KCNQ5: variants seen among roughly 807,000 people sequenced by gnomAD.
The protein encoded by KCNQ5 is potassium voltage-gated channel subfamily Q member 5, also known as potassium voltage-gated channel subfamily KQT member 5.
Under a neutral mutation model 98.2 loss-of-function variants are expected in KCNQ5, and 30 were observed. The ratio of observed to expected loss-of-function variants is 0.31; its 90% CI spans 0.23 to 0.41. KCNQ5 has a LOEUF of 0.41. Ranked by LOEUF, KCNQ5 falls within the 10% of genes least tolerant of loss-of-function variation. The probability of loss-of-function intolerance (pLI) is 1.00; values close to 1 mark genes in which losing one functional copy is unlikely to be tolerated. For missense variants in KCNQ5, 835 were observed against 1,182.5 expected, an observed-to-expected ratio of 0.71 and a Z score of 4.31; for synonymous variants, 458 against 449.4, an observed-to-expected ratio of 1.02 and a Z score of -0.24.
rs1765766686 is a variant in KCNQ5 at position 73,195,630 on chromosome 6, T to C, written c.*216T>C. ...CGACATTAACCCACTCATTTAGTAA[T>C]GTACCTTGAGTTAAAAAGCCTGAGA... On this transcript the variant is annotated 3_prime_UTR_variant, in exon 14 of 14. Coordinates refer to ENST00000370398, the MANE Select transcript of KCNQ5 (RefSeq NM_019842.4). 1.7e-6 allele frequency: 1 copy of C among 572,320 alleles called. No homozygotes were observed. The highest frequency in any genetic ancestry group is 3.0e-6 in the Non-Finnish European group (1 of 329,768). 35.5% of individuals were successfully genotyped at this position (572,320 alleles called of 1,614,324 possible). A position where few individuals can be genotyped will look rare whatever the true frequency, so the allele number is the denominator to read the frequency against.
chr6:72,910,262 T>G (rs184538015), intron 1 of KCNQ5, among the ~76,000 whole-genome samples: 1 of 152,254 alleles, frequency 6.6e-6, no homozygotes, highest in Non-Finnish European at 1.5e-5. Context: ...AATTGCTAAG[T>G]TTAGAGCTGG....
intron 1 of KCNQ5, among the ~76,000 whole-genome samples, chr6:72,935,069 T>TC (rs1392406435): frequency 7.0e-6 from 1 of 142,902 alleles, no homozygotes; most frequent in Non-Finnish European, 1.5e-5. Context: ...TCTATCTTTT[T>TC]TTTTTTTTTT....
At chr6:72,974,440 T>G (rs1271833476) in intron 1 of KCNQ5, among the ~76,000 whole-genome samples, 3 of 150,788 alleles carry the variant, frequency 2.0e-5, no homozygotes, top group Non-Finnish European at 4.4e-5. Flanking sequence ...AAATAACGCA[T>G]TTTTTCTGGA....
At chr6:72,974,419 C>G (rs1490621118) in intron 1 of KCNQ5, among the ~76,000 whole-genome samples, 1 of 149,944 alleles carries the variant, frequency 6.7e-6, no homozygotes, top group Non-Finnish European at 1.5e-5. Flanking sequence ...TCTCTTATGG[C>G]AAGAAGTGGA....
At chr6:73,084,022 T>C (rs1230075141) in intron 5 of KCNQ5, among the ~76,000 whole-genome samples, 1 of 152,198 alleles carries the variant, frequency 6.6e-6, no homozygotes, top group Non-Finnish European at 1.5e-5. Flanking sequence ...CTTTCTGTCA[T>C]CCCAAACCCA....
chr6:72,786,829 A>ACC (rs1773772659), intron 1 of KCNQ5, among the ~76,000 whole-genome samples: 1 of 151,562 alleles, frequency 6.6e-6, no homozygotes, highest in African/African-American at 2.4e-5. Flanking sequence ...ACACAGTGAA[A>ACC]CCCCATCTCT....
chr6:73,151,928 C>T (rs1474472134), intron 10 of KCNQ5, among the ~76,000 whole-genome samples: 5 of 152,008 alleles, frequency 3.3e-5, no homozygotes, highest in Admixed American at 3.3e-4. Context: ...TGTGTCTGTC[C>T]CTCAATTCAC....
intron 5 of KCNQ5, among the ~76,000 whole-genome samples, chr6:73,103,248 T>C (rs957889790): frequency 3.3e-5 from 5 of 151,950 alleles, no homozygotes; most frequent in Admixed American, 1.3e-4. Context: ...AACTAAGAAT[T>C]AACAGTTAAG....
At chr6:73,046,163 C>A (rs1771949331) in intron 3 of KCNQ5, among the ~76,000 whole-genome samples, 1 of 152,134 alleles carries the variant, frequency 6.6e-6, no homozygotes, top group Non-Finnish European at 1.5e-5. Context: ...CCACTGTGTT[C>A]TAAATTGATT....
intron 3 of KCNQ5, chr6:73,055,151 G>C: frequency 3.8e-6 from 3 of 791,818 alleles, no homozygotes; most frequent in Non-Finnish European, 6.9e-6. Context: ...GTGGAACCTG[G>C]AGAACCACTT....
intron 1 of KCNQ5, among the ~76,000 whole-genome samples, chr6:72,777,101 T>C (rs1240938039): frequency 2.0e-5 from 3 of 152,194 alleles, no homozygotes; most frequent in Admixed American, 6.5e-5. Flanking sequence ...GGAGCTGAGA[T>C]GGATGAAACC....
chr6:72,946,334 T>C (rs1766545955), intron 1 of KCNQ5, among the ~76,000 whole-genome samples: 2 of 152,174 alleles, frequency 1.3e-5, no homozygotes, highest in African/African-American at 4.8e-5. Context: ...AATAATGTAA[T>C]TGACATAGAT....
intron 2 of KCNQ5, among the ~76,000 whole-genome samples, chr6:73,019,598 A>T (rs1770499146): frequency 6.6e-6 from 1 of 152,160 alleles, no homozygotes; most frequent in African/African-American, 2.4e-5. Context: ...TCATCCAATC[A>T]AACTTTTCTA....
chr6:73,180,774 A>T (rs145655668), intron 11 of KCNQ5, among the ~76,000 whole-genome samples: 318 of 152,318 alleles, frequency 2.1e-3, no homozygotes, highest in African/African-American at 7.4e-3. Context: ...GTGATTCCAA[A>T]GAGCAGCCAA....
intron 6 of KCNQ5, among the ~76,000 whole-genome samples, chr6:73,106,763 A>G (rs1775018218): frequency 6.6e-6 from 1 of 152,242 alleles, no homozygotes; most frequent in Non-Finnish European, 1.5e-5. Flanking sequence ...GACGCAATTC[A>G]GCCTGAACAG....
Position 72,781,669 on chromosome 6 carries a change from C to A in KCNQ5, c.398+159082C>A, listed in dbSNP as rs191352489. Among the ~76,000 whole-genome samples, 59 of 152,104 alleles carry A rather than the reference C, an allele frequency of 3.9e-4. 1 individual carries two copies. In the East Asian group the frequency reaches 8.7e-3, roughly 22 times the overall value. On this transcript the variant is annotated intron_variant, in intron 1 of 13. Transcript: ENST00000370398. Reference sequence around the variant, plus strand: ...ACTCAAGTATTTTGGGTTACAAAAGCAGAATTATCTTTTAACCCTAGCCTG... The same window carrying A: ...ACTCAAGTATTTTGGGTTACAAAAGAAGAATTATCTTTTAACCCTAGCCTG...
At chr6:73,122,207 G>T (rs1192510608) in intron 8 of KCNQ5, among the ~76,000 whole-genome samples, 2 of 152,164 alleles carry the variant, frequency 1.3e-5, no homozygotes, top group African/African-American at 2.4e-5. Context: ...CATGAAGTTT[G>T]CTAGGTAAAT....
intron 1 of KCNQ5, among the ~76,000 whole-genome samples, chr6:72,736,560 CGG>C (rs1770851184): frequency 7.7e-6 from 1 of 129,402 alleles, no homozygotes; most frequent in Non-Finnish European, 1.5e-5. Context: ...AGTGCAGTGG[CGG>C]GATCTCGGCT....
intron 1 of KCNQ5, among the ~76,000 whole-genome samples, chr6:72,985,431 C>A (rs954836496): frequency 6.6e-6 from 1 of 152,098 alleles, no homozygotes; most frequent in Non-Finnish European, 1.5e-5. Flanking sequence ...TTCCCCTGTC[C>A]CCAAAAAGGA....
Sources: gnomAD v4.1 joint callset for allele counts (sites outside exome capture counted in the v4.1 genomes callset) on GRCh38, gnomAD v4.1.1 for gene constraint, MANE v1.5 for transcripts, NCBI Gene and HGNC (gene_info 2026-07-23, HGNC 2026-07-21) for gene names.